Variants in ADARB2 observed in about 807,000 individuals in gnomAD.
ADARB2 encodes adenosine deaminase RNA specific B2 (inactive), also known as inactive double-stranded RNA-specific editase B2.
ADARB2 carries 25 observed loss-of-function variants against 62.2 expected under a neutral mutation model. The observed-to-expected ratio is 0.40, with a 90% CI of 0.29 to 0.56. ADARB2 has a LOEUF of 0.56. ADARB2 is among the 20% of genes least tolerant of loss of function. The pLI is 0.43. For synonymous variants in ADARB2, 572 were observed against 500.8 expected, an observed-to-expected ratio of 1.14 and a Z score of -1.90; for missense variants, 1,071 against 1,077.4, an observed-to-expected ratio of 0.99 and a Z score of 0.08.
In ADARB2 at chr10:1,580,741, C is replaced by T. The variant is rs191379884; in HGVS notation, c.100+156310G>A. ...GAGCAGCGTCCCTGCCCTAAAAATC[C>T]GCCATGCTCCTTCTGTTCCTCCCTC... On this transcript the variant is annotated intron_variant, in intron 1 of 9. Coordinates refer to ENST00000381312, the MANE Select transcript of ADARB2 (RefSeq NM_018702.4). Among the ~76,000 whole-genome samples, 507 of 152,294 alleles carry T rather than the reference C, an allele frequency of 3.3e-3. 6 individuals carry two copies. The highest frequency in any genetic ancestry group is 0.012 in the African/African-American group (491 of 41,554).
chr10:1,414,398 C>G (rs900495445), intron 1 of ADARB2, among the ~76,000 whole-genome samples: 3 of 152,210 alleles, frequency 2.0e-5, no homozygotes, highest in African/African-American at 7.2e-5. Context: ...GTAATCTAAG[C>G]CCAGGGCATA....
intron 4 of ADARB2, 87 bp from the exon 5 acceptor site, chr10:1,242,386 T>G (rs1830934591): frequency 1.4e-6 from 2 of 1,425,868 alleles, no homozygotes; most frequent in Non-Finnish European, 1.9e-6. Context: ...ACAACAGCGG[T>G]TTCCCTGGGT....
chr10:1,407,843 G>A (rs1000784429), intron 1 of ADARB2, among the ~76,000 whole-genome samples: 2 of 152,212 alleles, frequency 1.3e-5, no homozygotes, highest in Non-Finnish European at 2.9e-5. Context: ...CTGCATGACT[G>A]TTCTGTGGGG....
chr10:1,638,200 T>C (rs988516785), intron 1 of ADARB2, among the ~76,000 whole-genome samples: 1 of 152,208 alleles, frequency 6.6e-6, no homozygotes, highest in African/African-American at 2.4e-5. Context: ...GGAGGACAGA[T>C]GCAGATATTA....
chr10:1,539,982 T>C (rs1832393047), intron 1 of ADARB2, among the ~76,000 whole-genome samples: 1 of 152,062 alleles, frequency 6.6e-6, no homozygotes, highest in Non-Finnish European at 1.5e-5. Context: ...CTTTTGGTGG[T>C]TGACAAGTGA....
intron 4 of ADARB2, among the ~76,000 whole-genome samples, chr10:1,244,386 G>A (rs1372726732): frequency 1.3e-5 from 2 of 152,340 alleles, no homozygotes; most frequent in South Asian, 2.1e-4. Flanking sequence ...TGGTGGAAAC[G>A]GACAGCTCTT....
At chr10:1,668,827 C>T (rs960181059) in intron 1 of ADARB2, among the ~76,000 whole-genome samples, 5 of 152,344 alleles carry the variant, frequency 3.3e-5, no homozygotes, top group Admixed American at 2.0e-4. Flanking sequence ...TAAAACAGTC[C>T]TCCCGTTGTG....
chr10:1,270,868 G>A (rs186726856), intron 4 of ADARB2, 87 bp downstream of exon 4: 1 of 1,140,180 alleles, frequency 8.8e-7, no homozygotes, highest in South Asian at 1.4e-5. Context: ...GTGGAAGAGA[G>A]AGCCTTTTGG....
chr10:1,626,423 T>C (rs111596660), intron 1 of ADARB2, among the ~76,000 whole-genome samples: 739 of 123,720 alleles, frequency 6.0e-3, no homozygotes, highest in Middle Eastern at 0.023. Flanking sequence ...CTCCACTGGA[T>C]CTCGGACGCT....
At chr10:1,295,920 G>A (rs558662377) in intron 3 of ADARB2, among the ~76,000 whole-genome samples, 4 of 152,262 alleles carry the variant, frequency 2.6e-5, no homozygotes, top group African/African-American at 9.6e-5. Flanking sequence ...CCATCCCCAA[G>A]CGCAACGGCT....
chr10:1,229,629 G>C (rs1234723086), intron 6 of ADARB2, among the ~76,000 whole-genome samples: 2 of 30,632 alleles, frequency 6.5e-5, no homozygotes, highest in Non-Finnish European at 1.5e-4. Context: ...TGATAGATCT[G>C]ATGCATCAGA....
At chr10:1,545,449 A>G (rs1439730525) in intron 1 of ADARB2, among the ~76,000 whole-genome samples, 1 of 152,212 alleles carries the variant, frequency 6.6e-6, no homozygotes, top group African/African-American at 2.4e-5. Context: ...TAGAACAGAA[A>G]TGAGAATGGA....
intron 8 of ADARB2, among the ~76,000 whole-genome samples, chr10:1,195,932 G>C (rs1209645573): frequency 6.6e-6 from 1 of 152,152 alleles, no homozygotes; most frequent in Non-Finnish European, 1.5e-5. Context: ...TTTCAGGTCT[G>C]GGGAACCAAA....
At chr10:1,221,157 A>G (rs1830691995) in intron 6 of ADARB2, among the ~76,000 whole-genome samples, 1 of 152,228 alleles carries the variant, frequency 6.6e-6, no homozygotes, top group Non-Finnish European at 1.5e-5. Context: ...TGAGCTGGCC[A>G]TAAATGATCT....
intron 4 of ADARB2, among the ~76,000 whole-genome samples, chr10:1,247,476 T>TA (rs1352022402): frequency 1.3e-5 from 2 of 152,174 alleles, no homozygotes; most frequent in East Asian, 3.9e-4. Flanking sequence ...TTGTCATAGA[T>TA]AGCTCTTATT....
At chr10:1,379,465 A>G (rs767778638) in intron 1 of ADARB2, among the ~76,000 whole-genome samples, 1 of 152,192 alleles carries the variant, frequency 6.6e-6, no homozygotes, top group Admixed American at 6.5e-5. Context: ...GCATCTGTTT[A>G]CAAAATCCTG....
chr10:1,373,628 T>C lies in ADARB2; in HGVS notation c.187+5446A>G, dbSNP rs551950499. 7.2e-5 allele frequency among the ~76,000 whole-genome samples: 11 copies of C among 152,246 alleles called. No individual in the cohort carries two copies. The South Asian group carries it at 2.3e-3, about 32-fold the overall frequency. On this transcript the variant is annotated intron_variant, in intron 2 of 9. Transcript: ENST00000381312. ...ACACCTACATCAGCTGGGTGGGAAA[T>C]GGCAGGGGAACTGAGCAGAAAGCAG... is the stretch of plus-strand genomic sequence containing the variant.
intron 3 of ADARB2, among the ~76,000 whole-genome samples, chr10:1,284,008 C>T (rs574919272): frequency 6.6e-6 from 1 of 152,252 alleles, no homozygotes; most frequent in East Asian, 1.9e-4. Context: ...AGAATTTGTG[C>T]AGAGTAGTTA....
chr10:1,360,972 G>C (rs533371436), intron 3 of ADARB2: 6 of 152,392 alleles, frequency 3.9e-5, no homozygotes, highest in African/African-American at 1.4e-4. Context: ...GACGCAGGAG[G>C]GGGGCTGGGG....
Sources: allele counts gnomAD v4.1 joint callset (sites outside exome capture counted in the v4.1 genomes callset), GRCh38; gene constraint gnomAD v4.1.1; transcripts MANE v1.5; gene names NCBI Gene and HGNC (gene_info 2026-07-23, HGNC 2026-07-21).